Variants in ATP8A2 observed in about 807,000 individuals in gnomAD.
ATP8A2 encodes the protein phospholipid-transporting ATPase IB.
Under a neutral mutation model 165.6 loss-of-function variants are expected in ATP8A2, and 100 were observed. The observed-to-expected ratio is 0.60, with a 90% CI of 0.51 to 0.71. The LOEUF (loss-of-function observed/expected upper bound fraction) is 0.71. Among genes scored for constraint, ATP8A2 ranks in the 30% least tolerant of loss-of-function variants. The pLI, the probability that ATP8A2 is intolerant of heterozygous loss-of-function variation, is 0.00. For missense variants in ATP8A2, 1,227 were observed against 1,479.5 expected (o/e 0.83, Z 2.80); for synonymous variants, 543 against 548.8 (o/e 0.99, Z 0.15).
intron 29 of ATP8A2, among the ~76,000 whole-genome samples, chr13:25,839,088 G>T (rs1951695535): frequency 6.6e-6 from 1 of 152,142 alleles, no homozygotes; most frequent in South Asian, 2.1e-4. Flanking sequence ...AGTTACAAGT[G>T]GAATGTTTTC....
At chr13:25,972,622 C>G (rs935383790) in intron 35 of ATP8A2, among the ~76,000 whole-genome samples, 1 of 152,300 alleles carries the variant, frequency 6.6e-6, no homozygotes, top group Middle Eastern at 3.4e-3. Flanking sequence ...CAGGAACCCC[C>G]CCGCACCGCA....
At position 25,920,198 on chromosome 13, in the gene ATP8A2, A is replaced by G. The variant is rs117454961; in HGVS notation, c.3184-41377A>G. Among the ~76,000 whole-genome samples the G allele has an allele frequency of 6.6e-3, 1,007 of 152,182 alleles. 9 individuals are homozygous for G. The highest frequency in any genetic ancestry group is 0.044 in the Middle Eastern group (13 of 294). On this transcript the variant is annotated intron_variant, in intron 33 of 36. Transcript: ENST00000381655. ...CGGCCTTTTCCCTCTTCTGTAACTT[A>G]CAGGTTTGGGTTCTACACCTCAGCA...
At chr13:25,447,072 T>C (rs939899546) in intron 1 of ATP8A2, among the ~76,000 whole-genome samples, 1 of 152,212 alleles carries the variant, frequency 6.6e-6, no homozygotes, top group Non-Finnish European at 1.5e-5. Context: ...CCTAATTGCG[T>C]TAAATGTTAA....
chr13:25,374,943 G>A (rs1333581184), intron 1 of ATP8A2, among the ~76,000 whole-genome samples: 1 of 152,160 alleles, frequency 6.6e-6, no homozygotes, highest in Non-Finnish European at 1.5e-5. Context: ...AAGAGTATAT[G>A]CTGAGCTGTA....
At chr13:25,905,572 T>A (rs571479653) in intron 33 of ATP8A2, among the ~76,000 whole-genome samples, 1 of 152,278 alleles carries the variant, frequency 6.6e-6, no homozygotes, top group Non-Finnish European at 1.5e-5. Flanking sequence ...GGTTGGTGCG[T>A]GTTGAGTTTC....
In ATP8A2 at chr13:25,953,622, G is replaced by A. The variant is rs61947397; in HGVS notation, c.3184-7953G>A. On this transcript the variant is annotated intron_variant, in intron 33 of 36. Coordinates refer to ENST00000381655, the MANE Select transcript of ATP8A2 (RefSeq NM_016529.6). This position sits in a 1 kb window ranked among gnomAD's most constrained non-coding sequence, Gnocchi z 6.7. ...TCCCAGGGAGATCAAGGCAGACAGCGAGTGATTTCTGCATTTCCAGCTGAG... is the reference window on the plus strand; with the variant it reads ...TCCCAGGGAGATCAAGGCAGACAGCAAGTGATTTCTGCATTTCCAGCTGAG... Among the ~76,000 whole-genome samples the A allele has an allele frequency of 0.043, 6,570 of 151,596 alleles. 216 individuals carry two copies. The highest frequency in any genetic ancestry group is 0.068 in the Non-Finnish European group (4,596 of 67,942).
intron 27 of ATP8A2, among the ~76,000 whole-genome samples, chr13:25,807,537 A>G (rs1449899315): frequency 1.3e-5 from 2 of 152,196 alleles, no homozygotes; most frequent in African/African-American, 4.8e-5. Flanking sequence ...TATCCCATTT[A>G]TTTATACATC....
intron 1 of ATP8A2, among the ~76,000 whole-genome samples, chr13:25,431,881 C>G (rs1273782565): frequency 6.6e-6 from 1 of 152,282 alleles, no homozygotes; most frequent in Non-Finnish European, 1.5e-5. Flanking sequence ...TACCTGTTAA[C>G]AGTCACTCCC....
intron 35 of ATP8A2, among the ~76,000 whole-genome samples, chr13:25,987,974 T>G (rs1201699156): frequency 6.6e-6 from 1 of 152,260 alleles, no homozygotes; most frequent in Non-Finnish European, 1.5e-5. Flanking sequence ...GATAGTTGAT[T>G]TACTTTGGAT....
chr13:25,483,874 C>T (rs1408842007), intron 2 of ATP8A2, among the ~76,000 whole-genome samples: 1 of 152,220 alleles, frequency 6.6e-6, no homozygotes, highest in Non-Finnish European at 1.5e-5. Context: ...ACTCATTTTG[C>T]TCTCTAATTC....
Position 25,372,195 on chromosome 13 carries a change from G to T in ATP8A2, c.-18G>T. On this transcript the variant is annotated 5_prime_UTR_variant, in exon 1 of 37. Coordinates refer to ENST00000381655, the MANE Select transcript of ATP8A2 (RefSeq NM_016529.6). The surrounding 1 kb of genome is among the most constrained non-coding windows in gnomAD (Gnocchi z 4.8). ...TCCGTCTCTCGCCCGGGGCCGCCGA[G>T]CCCCCGACACGGGCGAGATGCTGAA... 1 of 1,423,580 alleles carries T rather than the reference G, an allele frequency of 7.0e-7. No individual in the cohort carries two copies. Among genetic ancestry groups the T allele is most frequent in the South Asian group, 1.4e-5 (1 of 70,098 alleles). The allele number at this position is 1,423,580 out of a possible 1,614,324, so 88.2% of individuals were successfully genotyped here. A position where few individuals can be genotyped will look rare whatever the true frequency, so the allele number is the denominator to read the frequency against.
chr13:26,017,984 A>AT (rs1957019601), intron 36 of ATP8A2, among the ~76,000 whole-genome samples: 1 of 152,174 alleles, frequency 6.6e-6, no homozygotes, highest in Non-Finnish European at 1.5e-5. Context: ...CCTGTGGAAG[A>AT]TTCCTCTCTG....
At chr13:25,422,494 G>A (rs1029471738) in intron 1 of ATP8A2, among the ~76,000 whole-genome samples, 3 of 152,122 alleles carry the variant, frequency 2.0e-5, no homozygotes, top group African/African-American at 7.2e-5. Context: ...TGCCTTCCCT[G>A]TTTTGCTTTT....
intron 33 of ATP8A2, among the ~76,000 whole-genome samples, chr13:25,940,890 T>G (rs1470357200): frequency 6.6e-6 from 1 of 152,150 alleles, no homozygotes; most frequent in African/African-American, 2.4e-5. Flanking sequence ...GAGAGGAGAA[T>G]CAACAGCAAC....
intron 2 of ATP8A2, among the ~76,000 whole-genome samples, chr13:25,490,282 G>A (rs1277435385): frequency 6.6e-6 from 1 of 152,240 alleles, no homozygotes; most frequent in Non-Finnish European, 1.5e-5. Flanking sequence ...CGTAAGGTGG[G>A]TGCTTCACTC....
At chr13:25,891,887 G>T (rs1289710055) in intron 33 of ATP8A2, among the ~76,000 whole-genome samples, 1 of 152,118 alleles carries the variant, frequency 6.6e-6, no homozygotes, top group Non-Finnish European at 1.5e-5. Context: ...TTAACAGAAT[G>T]ATTGTACTGG....
intron 35 of ATP8A2, among the ~76,000 whole-genome samples, chr13:25,985,183 A>G (rs1262435556): frequency 1.3e-5 from 2 of 152,244 alleles, no homozygotes; most frequent in East Asian, 3.8e-4. Context: ...TTTATTTAGT[A>G]GAAATAGTGT....
intron 27 of ATP8A2, among the ~76,000 whole-genome samples, chr13:25,808,329 T>C (rs187282618): frequency 1.1e-4 from 16 of 152,150 alleles, no homozygotes; most frequent in Admixed American, 5.9e-4. Flanking sequence ...CCAGGCATGG[T>C]GGCTCACTCT....
chr13:25,663,867 A>G (rs2042098647), intron 24 of ATP8A2, among the ~76,000 whole-genome samples: 1 of 152,218 alleles, frequency 6.6e-6, no homozygotes, highest in Admixed American at 6.5e-5. Flanking sequence ...TTTAAGAGTT[A>G]CTGTGACAGA....
Sources: allele counts gnomAD v4.1 joint callset (sites outside exome capture counted in the v4.1 genomes callset), GRCh38; gene constraint gnomAD v4.1.1; non-coding constraint Gnocchi (gnomAD v3.1); transcripts MANE v1.5; gene names NCBI Gene and HGNC (gene_info 2026-07-23, HGNC 2026-07-21).